ZBTB45: variants seen among roughly 807,000 people sequenced by gnomAD.
The protein encoded by ZBTB45 is zinc finger and BTB domain containing 45.
A neutral mutation model predicts 28.4 loss-of-function variants in ZBTB45; 22 were observed. The ratio of observed to expected loss-of-function variants is 0.77; its 90% CI spans 0.55 to 1.10. The LOEUF (loss-of-function observed/expected upper bound fraction) is 1.10. Among genes scored for constraint, ZBTB45 ranks in the 50% least tolerant of loss-of-function variants. The pLI is 0.00. For synonymous variants in ZBTB45, 361 were observed against 332.3 expected, an observed-to-expected ratio of 1.09 and a Z score of -0.94; for missense variants, 656 against 750.2, an observed-to-expected ratio of 0.87 and a Z score of 1.47.
chr19:58,528,895 A>C (rs1012732531), intron 1 of ZBTB45, among the ~76,000 whole-genome samples: 136 of 151,608 alleles, frequency 9.0e-4, no homozygotes, highest in African/African-American at 3.1e-3. Flanking sequence ...CTCTGTCTCA[A>C]AAAATAATAA....
chr19:58,522,306 C>T (rs981772852), upstream of ZBTB45, among the ~76,000 whole-genome samples: 7 of 151,684 alleles, frequency 4.6e-5, no homozygotes, highest in Non-Finnish European at 1.0e-4. Context: ...AGATTACAGG[C>T]ACCTACCACC....
intron 1 of ZBTB45, among the ~76,000 whole-genome samples, chr19:58,517,943 G>T (rs2053535340): frequency 6.6e-6 from 1 of 151,608 alleles, no homozygotes; most frequent in Admixed American, 6.6e-5. Context: ...CTAGGAGAGG[G>T]TGTTGGCCTC....
At chr19:58,526,564 C>T (rs1324899823) in intron 1 of ZBTB45, among the ~76,000 whole-genome samples, 1 of 123,642 alleles carries the variant, frequency 8.1e-6, no homozygotes, top group Non-Finnish European at 1.7e-5. Context: ...TGGAGTCTCG[C>T]TCTGTCGCCC....
intron 1 of ZBTB45, among the ~76,000 whole-genome samples, chr19:58,531,952 A>G (rs2053637510): frequency 6.6e-6 from 1 of 152,010 alleles, no homozygotes; most frequent in Admixed American, 6.6e-5. Flanking sequence ...TGAATCAGCC[A>G]TTTTCCCCAG....
In ZBTB45 at chr19:58,517,125, C is replaced by A. The variant is rs763856525; in HGVS notation, c.549G>T (p.Ala183=). Residue 183 remains alanine, a synonymous_variant, in exon 2 of 3, where the codon GCG becomes GCT. Coordinates refer to ENST00000594051, the MANE Select transcript of ZBTB45 (RefSeq NM_001316979.2). ...QRQPARLQLP[A]PPTPAKAEGP... ...CCTCAGCCTTGGCAGGTGTTGGGGG[C>A]GCTGGCAGCTGCAAACGCGCGGGCT... 1 of 1,612,750 alleles carries A rather than the reference C, an allele frequency of 6.2e-7. No individual in the cohort carries two copies. The highest frequency in any genetic ancestry group is 1.1e-5 in the South Asian group (1 of 91,074).
chr19:58,525,881 G>C (rs951378795), intron 1 of ZBTB45, among the ~76,000 whole-genome samples: 1 of 152,222 alleles, frequency 6.6e-6, no homozygotes, highest in Non-Finnish European at 1.5e-5. Context: ...CGCTTTGCCA[G>C]AGTCCCAGCA....
chr19:58,521,636 A>G (rs542257438), upstream of ZBTB45, among the ~76,000 whole-genome samples: 5 of 152,314 alleles, frequency 3.3e-5, no homozygotes, highest in Non-Finnish European at 7.3e-5. Context: ...TATAGTAACG[A>G]TAGAAAACAA....
At chr19:58,536,557 C>T (rs1272925872) in intron 1 of ZBTB45, among the ~76,000 whole-genome samples, 1 of 149,932 alleles carries the variant, frequency 6.7e-6, no homozygotes. Flanking sequence ...GCAGGAGAAT[C>T]GCTTGAACTC....
intron 1 of ZBTB45, among the ~76,000 whole-genome samples, chr19:58,538,548 C>T (rs1416185979): frequency 6.6e-6 from 1 of 152,118 alleles, no homozygotes; most frequent in Non-Finnish European, 1.5e-5. Context: ...GGGGACAAAG[C>T]CCCGCGGCCC....
rs2053492322 is a variant in ZBTB45 at position 58,516,292 on chromosome 19, AG to A, written c.1279+102del. 1.4e-6 allele frequency: 2 copies of A among 1,439,920 alleles called. No homozygotes were observed. The highest frequency in any genetic ancestry group is 1.9e-6 in the Non-Finnish European group (2 of 1,060,096). 89.2% of individuals were successfully genotyped at this position (1,439,920 alleles called of 1,614,324 possible). A position where few individuals can be genotyped will look rare whatever the true frequency, so the allele number is the denominator to read the frequency against. On this transcript the variant is annotated intron_variant, in intron 2 of 2. Transcript: ENST00000594051. The surrounding 1 kb of genome is among the most constrained non-coding windows in gnomAD (Gnocchi z 6.2). The stretch of plus-strand genomic sequence containing the variant: ...ATTTCTAGGCCCCCTGCTAACCAAA[AG>A]TAACAGAACAGTGCCAGTGCCCTGT...
chr19:58,528,945 G>A (rs1247406390), intron 1 of ZBTB45, among the ~76,000 whole-genome samples: 1 of 151,930 alleles, frequency 6.6e-6, no homozygotes, highest in Non-Finnish European at 1.5e-5. Flanking sequence ...TTAGCCAGGT[G>A]TGGTGGCGCA....
At chr19:58,523,757 G>A (rs1425006720), upstream of ZBTB45, among the ~76,000 whole-genome samples, 8 of 134,810 alleles carry the variant, frequency 5.9e-5, no homozygotes, top group Admixed American at 1.4e-4. Context: ...TGCAAGCTCC[G>A]CCTCCTGGGT....
rs2053447966 is a variant in ZBTB45 at position 58,513,852 on chromosome 19, C to T, written c.*202G>A. 18 of 601,380 alleles carry T rather than the reference C, an allele frequency of 3.0e-5. 1 individual carries two copies. The East Asian group carries it at 5.9e-4, about 20-fold the overall frequency. The allele number at this position is 601,380 out of a possible 1,614,324, so 37.3% of individuals were successfully genotyped here. A position where few individuals can be genotyped will look rare whatever the true frequency, so the allele number is the denominator to read the frequency against. On this transcript the variant is annotated 3_prime_UTR_variant, in exon 3 of 3. Transcript: ENST00000594051. ...AACCAGCCCCAGCCCCAGCCCGGCA[C>T]CACCTGGAGGGTTCAAGTACATGGA...
chr19:58,519,361 G>C (rs2053556721), intron 1 of ZBTB45: 1 of 152,302 alleles, frequency 6.6e-6, no homozygotes, highest in Admixed American at 6.5e-5. Context: ...CCCGCCCCGC[G>C]ACGGGCTCCA....
chr19:58,528,242 A>T (rs1218500493), intron 1 of ZBTB45, among the ~76,000 whole-genome samples: 1 of 152,146 alleles, frequency 6.6e-6, no homozygotes, highest in Non-Finnish European at 1.5e-5. Context: ...CTTCCTGTTT[A>T]CAGGAGACTA....
chr19:58,514,029 T>G lies in ZBTB45; in HGVS notation c.*25A>C. The G allele has an allele frequency of 7.2e-7, 1 of 1,385,504 alleles. No homozygotes were observed. Among genetic ancestry groups the G allele is most frequent in the Non-Finnish European group, 9.3e-7 (1 of 1,076,170 alleles). 85.8% of individuals were successfully genotyped at this position (1,385,504 alleles called of 1,614,324 possible). On this transcript the variant is annotated 3_prime_UTR_variant, in exon 3 of 3. Coordinates refer to ENST00000594051, the MANE Select transcript of ZBTB45 (RefSeq NM_001316979.2). Reference sequence around the variant, plus strand: ...TGTGCGGGAGGCCCCGGATCCACCGTGGGCGAGGCCAGGCCCCAGCGCCAT... The same window carrying G: ...TGTGCGGGAGGCCCCGGATCCACCGGGGGCGAGGCCAGGCCCCAGCGCCAT...
At chr19:58,532,806 CAA>C (rs1198367259) in intron 1 of ZBTB45, among the ~76,000 whole-genome samples, 1 of 152,016 alleles carries the variant, frequency 6.6e-6, no homozygotes, top group Non-Finnish European at 1.5e-5. Flanking sequence ...CTCGGCCTCC[CAA>C]AGTGTTGGGA....
upstream of ZBTB45, among the ~76,000 whole-genome samples, chr19:58,521,636 A>T (rs542257438): frequency 6.6e-6 from 1 of 152,196 alleles, no homozygotes; most frequent in Non-Finnish European, 1.5e-5. Flanking sequence ...TATAGTAACG[A>T]TAGAAAACAA....
chr19:58,530,112 G>A (rs1208042977), intron 1 of ZBTB45, among the ~76,000 whole-genome samples: 20 of 152,038 alleles, frequency 1.3e-4, no homozygotes, highest in Non-Finnish European at 1.5e-5. Context: ...GCTGAGGCAG[G>A]AGGATCACTT....
Sources: allele counts gnomAD v4.1 joint callset (sites outside exome capture counted in the v4.1 genomes callset), GRCh38; gene constraint gnomAD v4.1.1; non-coding constraint Gnocchi (gnomAD v3.1); transcripts MANE v1.5; gene names NCBI Gene and HGNC (gene_info 2026-07-23, HGNC 2026-07-21).